NUDC: variants seen among roughly 807,000 people sequenced by gnomAD.
The protein encoded by NUDC is nuclear migration protein nudC.
A neutral mutation model predicts 45.0 loss-of-function variants in NUDC; 14 were observed. The observed-to-expected ratio is 0.31, with a 90% CI of 0.21 to 0.49. The LOEUF (loss-of-function observed/expected upper bound fraction) is 0.49. Ranked by LOEUF, NUDC falls within the 20% of genes least tolerant of loss-of-function variation. NUDC has a pLI of 0.99. For synonymous variants in NUDC, 153 were observed against 156.7 expected, an observed-to-expected ratio of 0.98 and a Z score of 0.17; for missense variants, 323 against 426.2, an observed-to-expected ratio of 0.76 and a Z score of 2.13.
At chr1:26,900,761 C>T (rs568402887) in intron 1 of NUDC, among the ~76,000 whole-genome samples, 53 of 152,318 alleles carry the variant, frequency 3.5e-4, no homozygotes, top group Non-Finnish European at 6.9e-4. Flanking sequence ...TCTCAACCTT[C>T]CTCAGTTCTG....
At chr1:26,923,445 C>T (rs995549452) in intron 1 of NUDC, among the ~76,000 whole-genome samples, 29 of 152,276 alleles carry the variant, frequency 1.9e-4, no homozygotes, top group Admixed American at 1.7e-3. Context: ...ATTTGCTCTC[C>T]TCCTTCTTGC....
At chr1:26,936,276 G>A (rs772684083) in intron 2 of NUDC, among the ~76,000 whole-genome samples, 23 of 134,440 alleles carry the variant, frequency 1.7e-4, no homozygotes, top group African/African-American at 6.6e-4. Flanking sequence ...CACAACATCT[G>A]TCTCCTGGGT....
chr1:26,908,177 C>T (rs1395601987), intron 2 of NUDC, among the ~76,000 whole-genome samples: 1 of 150,362 alleles, frequency 6.7e-6, no homozygotes, highest in East Asian at 1.9e-4. Flanking sequence ...GAAACTCCAT[C>T]TAAAAAAAAA....
chr1:26,918,855 C>T (rs1306245988), upstream of NUDC, among the ~76,000 whole-genome samples: 2 of 152,034 alleles, frequency 1.3e-5, no homozygotes, highest in African/African-American at 2.4e-5. Flanking sequence ...AGATTACAGG[C>T]GTGAGCCACT....
intron 2 of NUDC, among the ~76,000 whole-genome samples, chr1:26,927,657 A>G (rs1244681967): frequency 6.6e-6 from 1 of 151,782 alleles, no homozygotes; most frequent in Admixed American, 6.6e-5. Flanking sequence ...CGGCCCCTCA[A>G]AGTGCTGGGA....
chr1:26,914,018 T>G, intron 3 of NUDC: 1 of 1,218,136 alleles, frequency 8.2e-7, no homozygotes, highest in East Asian at 2.7e-5. Context: ...TCCCAGTGAG[T>G]GGAACGGGGG....
Position 26,941,593 on chromosome 1 carries a change from C to T in NUDC, c.296C>T (p.Thr99Ile). 6.2e-7 allele frequency: 1 copy of T among 1,612,434 alleles called. No homozygotes were observed. The highest frequency in any genetic ancestry group is 8.5e-7 in the Non-Finnish European group (1 of 1,179,320). ...CTGGCCAAGGAAGCCAAGTCAGAGA[C>T]CTCAGGGCCCCAGATCAAGGAGCTA... is the stretch of plus-strand genomic sequence containing the variant. The part of the protein sequence containing the change: ...ARLAKEAKSE[T>I]SGPQIKELTD... Residue 99 changes from threonine to isoleucine, a missense_variant, in exon 3 of 9, where the codon ACC becomes ATC. Physicochemically the swap from Thr to Ile is moderately conservative, Grantham distance 89 (BLOSUM62 -1). Around this residue, in one of 3 missense-constraint regions of NUDC, gnomAD observed 245 missense variants for 278.8 expected, o/e 0.88. Coordinates refer to ENST00000321265, the MANE Select transcript of NUDC (RefSeq NM_006600.4).
chr1:26,935,522 C>A (rs2082221886), intron 2 of NUDC, among the ~76,000 whole-genome samples: 1 of 151,782 alleles, frequency 6.6e-6, no homozygotes, highest in African/African-American at 2.4e-5. Context: ...CGGAAAAGCC[C>A]CTTGTAAAAT....
intron 6 of NUDC, among the ~76,000 whole-genome samples, chr1:26,944,854 C>G (rs1438058912): frequency 1.3e-5 from 2 of 151,848 alleles, no homozygotes; most frequent in Non-Finnish European, 2.9e-5. Flanking sequence ...CAGCCTGGCC[C>G]AATATGGTGA....
upstream of NUDC, among the ~76,000 whole-genome samples, chr1:26,921,073 C>T (rs887112102): frequency 1.3e-5 from 2 of 152,200 alleles, no homozygotes; most frequent in Non-Finnish European, 2.9e-5. Flanking sequence ...TGATGAGATT[C>T]ATTGCACAAG....
chr1:26,939,405 T>C (rs569685897), intron 2 of NUDC, among the ~76,000 whole-genome samples: 1 of 152,026 alleles, frequency 6.6e-6, no homozygotes, highest in East Asian at 1.9e-4. Context: ...GGCAGGTGGA[T>C]CACTTGACCC....
chr1:26,939,928 TAGAA>T (rs2082263754), intron 2 of NUDC, among the ~76,000 whole-genome samples: 2 of 152,194 alleles, frequency 1.3e-5, no homozygotes, highest in Admixed American at 6.5e-5. Context: ...GAAACAGGCT[TAGAA>T]AGAGTCAAAG....
exon 1 of NUDC, chr1:26,900,325 G>A (rs1449555269): frequency 6.2e-7 from 1 of 1,614,076 alleles, no homozygotes; most frequent in South Asian, 1.1e-5. Flanking sequence ...CCACCGCCGC[G>A]CTCTTCTCGG....
At chr1:26,900,509 C>G in intron 1 of NUDC, 1 of 1,348,504 alleles carries the variant, frequency 7.4e-7, no homozygotes, top group Non-Finnish European at 1.0e-6. Context: ...GTTCCAGCCC[C>G]TGCGTTGCGA....
intron 2 of NUDC, among the ~76,000 whole-genome samples, chr1:26,910,290 G>T (rs1047047811): frequency 6.6e-6 from 1 of 152,134 alleles, no homozygotes; most frequent in African/African-American, 2.4e-5. Flanking sequence ...TGCCTGAGTT[G>T]TACATCTTAG....
At chr1:26,917,655 A>T (rs1311724503), upstream of NUDC, among the ~76,000 whole-genome samples, 1 of 152,120 alleles carries the variant, frequency 6.6e-6, no homozygotes, top group Non-Finnish European at 1.5e-5. Flanking sequence ...TGGGAAGCTG[A>T]GGTGGCCGGA....
rs752086600 is a variant in NUDC, at chr1:26,942,865, A to T, written c.547-6A>T. On this transcript the variant is annotated splice_polypyrimidine_tract_variant and splice_region_variant and intron_variant, in intron 5 of 8. Transcript: ENST00000321265. ...GGCCTCTTCTGACTGCCTCTGCCCT[A>T]TGCAGCTGGCGGTCCCTTTCTGTGT... 1.2e-6 allele frequency: 2 copies of T among 1,613,788 alleles called. No homozygotes were observed. Among genetic ancestry groups the T allele is most frequent in the South Asian group, 2.2e-5 (2 of 91,064 alleles).
chr1:26,925,718 A>ATTTTTT (rs35681038), intron 2 of NUDC, among the ~76,000 whole-genome samples: 13 of 126,872 alleles, frequency 1.0e-4, no homozygotes, highest in Non-Finnish European at 1.2e-4. Context: ...ATCATGAGGA[A>ATTTTTT]TTTTTTTTTT....
chr1:26,931,956 G>C (rs955934553), intron 2 of NUDC, among the ~76,000 whole-genome samples: 1 of 149,760 alleles, frequency 6.7e-6, no homozygotes, highest in South Asian at 2.1e-4. Flanking sequence ...AAAATGTTGG[G>C]ATTATAGGTG....
Sources: gnomAD v4.1 joint callset for allele counts (sites outside exome capture counted in the v4.1 genomes callset) on GRCh38, gnomAD v4.1.1 for gene constraint, gnomAD v4.1.1 regional missense constraint, MANE v1.5 for transcripts, NCBI Gene and HGNC (gene_info 2026-07-23, HGNC 2026-07-21) for gene names.